The following LHFPL3 variants were observed in gnomAD, a reference collection of about 807,000 sequenced individuals.
LHFPL3 encodes the protein LHFPL tetraspan subfamily member 3.
In LHFPL3, 5 loss-of-function variants were observed where a neutral mutation model predicts 19.3. The ratio of observed to expected loss-of-function variants is 0.26; its 90% confidence interval spans 0.14 to 0.54. The LOEUF is 0.54. Among genes scored for constraint, LHFPL3 ranks in the 20% least tolerant of loss-of-function variants. The pLI is 0.94. For synonymous variants in LHFPL3, 133 were observed against 126.2 expected, an observed-to-expected ratio of 1.05 and a Z score of -0.36; for missense variants, 249 against 307.4, an observed-to-expected ratio of 0.81 and a Z score of 1.42.
rs1039746346 is a variant in LHFPL3 at position 104,392,654 on chromosome 7, T to G, written c.445+63430T>G. On this transcript the variant is annotated intron_variant, in intron 1 of 2. Coordinates refer to ENST00000424859, the MANE Select transcript of LHFPL3 (RefSeq NM_199000.3). ...ATATTGGTCTAAAATTCTCTTTTTT[T>G]GTTGTGTCTCTGCCAGGCTTTGGTA... Among the ~76,000 whole-genome samples, 8 of 152,158 alleles carry G rather than the reference T, an allele frequency of 5.3e-5. 1 individual carries two copies. The South Asian group carries it at 1.0e-3, about 20-fold the overall frequency.
At chr7:104,384,787 CAA>C (rs771136918) in intron 1 of LHFPL3, among the ~76,000 whole-genome samples, 7,021 of 73,836 alleles carry the variant, frequency 0.095, 117 homozygotes, top group East Asian at 0.18. Context: ...AACTCTATTT[CAA>C]AAAAAAAAAA....
At chr7:104,603,056 CTTTCTTTCTT>C (rs1233442210) in intron 1 of LHFPL3, among the ~76,000 whole-genome samples, 33 of 143,846 alleles carry the variant, frequency 2.3e-4, no homozygotes, top group Admixed American at 7.0e-4. Context: ...TCTTTTTTTT[CTTTCTTTCTT>C]TTTCTTTCTT....
chr7:104,461,119 G>T (rs1806389), intron 1 of LHFPL3, among the ~76,000 whole-genome samples: 84,254 of 152,038 alleles, frequency 0.55, 24,196 homozygotes, highest in Non-Finnish European at 0.63. Context: ...TACAATCATG[G>T]TGGAAGGGGA....
intron 1 of LHFPL3, among the ~76,000 whole-genome samples, chr7:104,577,775 G>A (rs1193135687): frequency 6.6e-6 from 1 of 152,090 alleles, no homozygotes; most frequent in Non-Finnish European, 1.5e-5. Context: ...TCCGTGAGTG[G>A]TCATTCTCAT....
chr7:104,742,967 A>G (rs538510339), intron 2 of LHFPL3, among the ~76,000 whole-genome samples: 1 of 152,104 alleles, frequency 6.6e-6, no homozygotes, highest in African/African-American at 2.4e-5. Context: ...AAATACAAAA[A>G]AAAATTAGCT....
At chr7:104,594,712 A>T (rs1414328208) in intron 1 of LHFPL3, among the ~76,000 whole-genome samples, 2 of 152,158 alleles carry the variant, frequency 1.3e-5, no homozygotes, top group African/African-American at 4.8e-5. Context: ...ATAGTCCAAT[A>T]TTCCTTGGAG....
intron 1 of LHFPL3, among the ~76,000 whole-genome samples, chr7:104,433,398 T>G (rs993339800): frequency 6.6e-6 from 1 of 152,204 alleles, no homozygotes; most frequent in African/African-American, 2.4e-5. Context: ...GGAGTCCACT[T>G]TGAGAATTAC....
At chr7:104,400,028 T>C (rs61125324) in intron 1 of LHFPL3, among the ~76,000 whole-genome samples, 5,998 of 141,772 alleles carry the variant, frequency 0.042, 419 homozygotes, top group African/African-American at 0.15. Context: ...CCTTTGAACC[T>C]GGGAGGCGGA....
intron 2 of LHFPL3, among the ~76,000 whole-genome samples, chr7:104,782,890 T>G (rs999195097): frequency 6.6e-6 from 1 of 152,262 alleles, no homozygotes; most frequent in Non-Finnish European, 1.5e-5. Flanking sequence ...TGCAGTAAGC[T>G]TCTATGCAGC....
At chr7:104,475,382 C>T (rs1236045300) in intron 1 of LHFPL3, among the ~76,000 whole-genome samples, 1 of 151,972 alleles carries the variant, frequency 6.6e-6, no homozygotes, top group Non-Finnish European at 1.5e-5. Context: ...ATTACTGGAA[C>T]ATTCTGATTC....
chr7:104,558,719 A>G lies in LHFPL3; in HGVS notation c.446-177956A>G, dbSNP rs1269593308. ...TTTGTTAATTTTGGCTTTTGTTGCCATTGCTTTTGGTGTTTTAGACATGAA... is the reference window on the plus strand; with the variant it reads ...TTTGTTAATTTTGGCTTTTGTTGCCGTTGCTTTTGGTGTTTTAGACATGAA... On this transcript the variant is annotated intron_variant, in intron 1 of 2. Coordinates refer to ENST00000424859, the MANE Select transcript of LHFPL3 (RefSeq NM_199000.3). Among the ~76,000 whole-genome samples, 6 of 150,414 alleles carry G rather than the reference A, an allele frequency of 4.0e-5. No individual in the cohort carries two copies. In the South Asian group the frequency reaches 1.0e-3, roughly 26 times the overall value.
intron 1 of LHFPL3, among the ~76,000 whole-genome samples, chr7:104,366,572 A>G (rs913890351): frequency 3.3e-5 from 5 of 152,174 alleles, no homozygotes; most frequent in African/African-American, 1.2e-4. Flanking sequence ...CTTGCCAAGC[A>G]CCCCGTCAAG....
intron 1 of LHFPL3, among the ~76,000 whole-genome samples, chr7:104,672,557 C>T (rs553045075): frequency 6.6e-6 from 1 of 152,344 alleles, no homozygotes; most frequent in Non-Finnish European, 1.5e-5. Context: ...GACTCCTTTC[C>T]TGTGTCTTAT....
At chr7:104,427,847 C>T (rs1208463320) in intron 1 of LHFPL3, among the ~76,000 whole-genome samples, 30 of 152,204 alleles carry the variant, frequency 2.0e-4, no homozygotes, top group Non-Finnish European at 5.9e-5. Flanking sequence ...TCAATTCAAG[C>T]AATCACAACT....
At chr7:104,648,365 A>G (rs1791969048) in intron 1 of LHFPL3, among the ~76,000 whole-genome samples, 1 of 152,140 alleles carries the variant, frequency 6.6e-6, no homozygotes, top group Non-Finnish European at 1.5e-5. Context: ...TTCTAAGACA[A>G]AGCTCTCAGA....
At chr7:104,598,332 C>A (rs568722779) in intron 1 of LHFPL3, among the ~76,000 whole-genome samples, 1 of 152,140 alleles carries the variant, frequency 6.6e-6, no homozygotes, top group Non-Finnish European at 1.5e-5. Flanking sequence ...ATATCAGCTG[C>A]CTACAAGAGC....
intron 2 of LHFPL3, among the ~76,000 whole-genome samples, chr7:104,888,389 G>A (rs1180501689): frequency 4.6e-5 from 7 of 152,140 alleles, no homozygotes; most frequent in African/African-American, 1.7e-4. Context: ...AAATTGCCAG[G>A]TGTTGTGGCA....
chr7:104,503,278 A>G (rs1006658664), intron 1 of LHFPL3, among the ~76,000 whole-genome samples: 2 of 152,162 alleles, frequency 1.3e-5, no homozygotes, highest in Non-Finnish European at 2.9e-5. Flanking sequence ...CCATTTTGGT[A>G]AAAAGAAGCA....
At position 104,611,537 on chromosome 7, in the gene LHFPL3, T is replaced by G. The variant is rs76140985; in HGVS notation, c.446-125138T>G. 2.5e-3 allele frequency among the ~76,000 whole-genome samples: 380 copies of G among 152,300 alleles called. 3 individuals are homozygous for G. The highest frequency in any genetic ancestry group is 8.8e-3 in the African/African-American group (366 of 41,574). ...AGAATCAAAGGGCAAAGAAGGAGACTAGCCCCTGATGTTTAGCTCAACTCA... is the reference window on the plus strand; with the variant it reads ...AGAATCAAAGGGCAAAGAAGGAGACGAGCCCCTGATGTTTAGCTCAACTCA... On this transcript the variant is annotated intron_variant, in intron 1 of 2. Coordinates refer to ENST00000424859, the MANE Select transcript of LHFPL3 (RefSeq NM_199000.3).
Sources: gnomAD v4.1 joint callset for allele counts (sites outside exome capture counted in the v4.1 genomes callset) on GRCh38, gnomAD v4.1.1 for gene constraint, MANE v1.5 for transcripts, NCBI Gene and HGNC (gene_info 2026-07-23, HGNC 2026-07-21) for gene names.